The following DSCAM variants were observed in gnomAD, a reference collection of about 807,000 sequenced individuals.
DSCAM encodes the protein cell adhesion molecule DSCAM.
A neutral mutation model predicts 217.7 loss-of-function variants in DSCAM; 47 were observed. The ratio of observed to expected loss-of-function variants is 0.22; its 90% CI spans 0.17 to 0.28. The LOEUF is 0.28. Among genes scored for constraint, DSCAM ranks in the 10% least tolerant of loss-of-function variants. The pLI is 1.00. For missense variants in DSCAM, 2,080 were observed against 2,618.3 expected (o/e 0.79, Z 4.49); for synonymous variants, 1,056 against 1,015.3 (o/e 1.04, Z -0.76).
chr21:40,265,623 T>C (rs934378345), intron 11 of DSCAM, among the ~76,000 whole-genome samples: 5 of 152,188 alleles, frequency 3.3e-5, no homozygotes, highest in African/African-American at 9.7e-5. Flanking sequence ...TAAAACACCA[T>C]TGTAATGATA....
At chr21:40,327,084 C>T (rs1008245676) in intron 8 of DSCAM, among the ~76,000 whole-genome samples, 35 of 151,566 alleles carry the variant, frequency 2.3e-4, no homozygotes, top group Non-Finnish European at 1.8e-4. Context: ...AAGATCCTAC[C>T]GCATGGTTCT....
chr21:40,055,823 G>A lies in DSCAM; in HGVS notation c.4937C>T (p.Ser1646Leu), dbSNP rs2089009448. 2 of 1,613,302 alleles carry A rather than the reference G, an allele frequency of 1.2e-6. No homozygotes were observed. Among genetic ancestry groups the A allele is most frequent in the African/African-American group, 1.3e-5 (1 of 74,934 alleles). ...EMLMSKNTRT[S>L]DTLSKQQQTL... Reference sequence around the variant, plus strand: ...CTGCTGTTGCTTGCTTAACGTATCTGAAGTCCGGGTATTCTTACTGGGAAT... The same window carrying A: ...CTGCTGTTGCTTGCTTAACGTATCTAAAGTCCGGGTATTCTTACTGGGAAT... The change falls in exon 29 of 33, where the codon TCA becomes TTA. Residue 1646 changes from serine (S) to leucine (L), a missense_variant. Coordinates refer to ENST00000400454, the MANE Select transcript of DSCAM (RefSeq NM_001389.5).
intron 11 of DSCAM, among the ~76,000 whole-genome samples, chr21:40,239,745 C>T (rs546274686): frequency 6.0e-4 from 91 of 152,300 alleles, no homozygotes; most frequent in African/African-American, 2.0e-3. Flanking sequence ...CTTAATCCAG[C>T]CTCAGAAAGA....
At chr21:40,759,314 C>T (rs899169814) in intron 1 of DSCAM, among the ~76,000 whole-genome samples, 4 of 152,146 alleles carry the variant, frequency 2.6e-5, no homozygotes, top group Admixed American at 2.6e-4. Flanking sequence ...ATCAGGACTC[C>T]TCCTTGCCCC....
At position 40,134,019 on chromosome 21, in the gene DSCAM, A is replaced by G; in HGVS notation, c.3407-10T>C. On this transcript the variant is annotated splice_polypyrimidine_tract_variant and intron_variant, in intron 18 of 32. Coordinates refer to ENST00000400454, the MANE Select transcript of DSCAM (RefSeq NM_001389.5). ...TTAATCTCACCCAGCTCTGGAGGAC[A>G]AGAACAAGAAAACAAAATCCCACTT... 6.2e-7 allele frequency: 1 copy of G among 1,601,276 alleles called. No homozygotes were observed. The highest frequency in any genetic ancestry group is 8.5e-7 in the Non-Finnish European group (1 of 1,174,790).
chr21:40,827,772 C>T (rs2091981972), intron 1 of DSCAM, among the ~76,000 whole-genome samples: 1 of 152,132 alleles, frequency 6.6e-6, no homozygotes, highest in Non-Finnish European at 1.5e-5. Context: ...AAGGGCGGTA[C>T]AGGCAACTTT....
chr21:40,377,481 A>G (rs2123719524), intron 3 of DSCAM, among the ~76,000 whole-genome samples: 1 of 152,176 alleles, frequency 6.6e-6, no homozygotes, highest in Non-Finnish European at 1.5e-5. Context: ...GATGCCAGGT[A>G]TTGATTCTGA....
chr21:40,640,850 C>CCACACA (rs112732293), intron 3 of DSCAM, among the ~76,000 whole-genome samples: 1 of 151,954 alleles, frequency 6.6e-6, no homozygotes, highest in Non-Finnish European at 1.5e-5. Context: ...CACAAAAACA[C>CCACACA]CACACGCACA....
intron 1 of DSCAM, among the ~76,000 whole-genome samples, chr21:40,716,380 A>ATGTGTG (rs35141387): frequency 1.7e-4 from 26 of 150,772 alleles, no homozygotes; most frequent in African/African-American, 5.6e-4. Context: ...AATGTGAATT[A>ATGTGTG]TGTGTGTGTG....
At chr21:40,843,543 A>C (rs2123692472) in intron 1 of DSCAM, among the ~76,000 whole-genome samples, 1 of 152,318 alleles carries the variant, frequency 6.6e-6, no homozygotes, top group Admixed American at 6.5e-5. Context: ...CTGGGGTTAA[A>C]ACCAGGAGAA....
At chr21:40,168,061 A>C (rs1259931721) in intron 15 of DSCAM, among the ~76,000 whole-genome samples, 2 of 152,218 alleles carry the variant, frequency 1.3e-5, no homozygotes, top group African/African-American at 2.4e-5. Context: ...ACTCCATCTC[A>C]AAACATAAAC....
chr21:40,695,289 G>T (rs1363148397), intron 2 of DSCAM, among the ~76,000 whole-genome samples: 1 of 151,978 alleles, frequency 6.6e-6, no homozygotes, highest in Non-Finnish European at 1.5e-5. Context: ...GGGATCACAG[G>T]AGCCATAAAA....
intron 19 of DSCAM, among the ~76,000 whole-genome samples, chr21:40,129,220 G>T (rs2090129757): frequency 6.6e-6 from 1 of 152,098 alleles, no homozygotes; most frequent in Non-Finnish European, 1.5e-5. Context: ...GGCTTTTCCT[G>T]AGCCATGCCG....
At chr21:40,215,308 T>C (rs1402238163) in intron 11 of DSCAM, among the ~76,000 whole-genome samples, 1 of 121,004 alleles carries the variant, frequency 8.3e-6, no homozygotes, top group Non-Finnish European at 1.7e-5. Flanking sequence ...CATGAATGGA[T>C]AAAGAAAATG....
In DSCAM at chr21:40,839,338, C is replaced by A. The variant is rs189711871; in HGVS notation, c.43+7281G>T. Among the ~76,000 whole-genome samples the A allele has an allele frequency of 5.5e-3, 843 of 152,246 alleles. 11 individuals carry two copies. The highest frequency in any genetic ancestry group is 0.019 in the African/African-American group (808 of 41,542). Reference sequence around the variant, plus strand: ...ATTTGAACTCTTCTCTCAGTAATTGCTTTATTACTGAGATGTATGCAGATT... The same window carrying A: ...ATTTGAACTCTTCTCTCAGTAATTGATTTATTACTGAGATGTATGCAGATT... On this transcript the variant is annotated intron_variant, in intron 1 of 32. Coordinates refer to ENST00000400454, the MANE Select transcript of DSCAM (RefSeq NM_001389.5).
chr21:40,570,016 G>A (rs1046568085), intron 3 of DSCAM, among the ~76,000 whole-genome samples: 2 of 152,156 alleles, frequency 1.3e-5, no homozygotes, highest in Admixed American at 6.5e-5. Context: ...GTGGATCTCT[G>A]CATTCCCCAA....
chr21:40,082,350 C>T (rs1370961593), intron 24 of DSCAM, among the ~76,000 whole-genome samples: 4 of 152,156 alleles, frequency 2.6e-5, no homozygotes, highest in Non-Finnish European at 4.4e-5. Context: ...GTCCCAGCTA[C>T]GTGGGAGGCT....
At chr21:40,542,521 G>A (rs190417006) in intron 3 of DSCAM, among the ~76,000 whole-genome samples, 1 of 152,314 alleles carries the variant, frequency 6.6e-6, no homozygotes, top group African/African-American at 2.4e-5. Context: ...GGACCCTCAA[G>A]AATTGGATTA....
intron 3 of DSCAM, among the ~76,000 whole-genome samples, chr21:40,455,266 T>C (rs1459698041): frequency 1.3e-5 from 2 of 151,984 alleles, no homozygotes; most frequent in African/African-American, 4.8e-5. Flanking sequence ...ACGAAATGTA[T>C]GGTCATGAAT....
Sources: allele counts gnomAD v4.1 joint callset (sites outside exome capture counted in the v4.1 genomes callset), GRCh38; gene constraint gnomAD v4.1.1; transcripts MANE v1.5; gene names NCBI Gene and HGNC (gene_info 2026-07-23, HGNC 2026-07-21).